The following GLDC variants were observed in gnomAD, a reference collection of about 807,000 sequenced individuals.
GLDC encodes glycine dehydrogenase (decarboxylating), mitochondrial.
In GLDC, 104 loss-of-function variants were observed where a neutral mutation model predicts 121.3. That is an observed-to-expected ratio of 0.86 (90% CI 0.73 to 1.01). GLDC has a LOEUF of 1.01. Ranked by LOEUF, GLDC falls within the 50% of genes least tolerant of loss-of-function variation. The pLI is 0.00. For synonymous variants in GLDC, 546 were observed against 480.6 expected, an observed-to-expected ratio of 1.14 and a Z score of -1.78; for missense variants, 1,429 against 1,306.6, an observed-to-expected ratio of 1.09 and a Z score of -1.44.
chr9:6,611,504 T>G (rs1053520591), intron 3 of GLDC, among the ~76,000 whole-genome samples: 1 of 149,606 alleles, frequency 6.7e-6, no homozygotes, highest in African/African-American at 2.5e-5. Flanking sequence ...TGCAGTGAGC[T>G]GAGATCACGC....
intron 2 of GLDC, among the ~76,000 whole-genome samples, chr9:6,635,979 C>T (rs1192904427): frequency 1.3e-5 from 2 of 152,112 alleles, no homozygotes; most frequent in Non-Finnish European, 2.9e-5. Flanking sequence ...GAATGTGCAA[C>T]ACCAAGACTG....
At chr9:6,597,933 C>CA (rs987910380) in intron 8 of GLDC, among the ~76,000 whole-genome samples, 64 of 131,828 alleles carry the variant, frequency 4.9e-4, no homozygotes, top group African/African-American at 1.1e-3. Flanking sequence ...GACTCGTCTC[C>CA]AAAAAAAAAA....
chr9:6,534,899 T>G (rs1283508840), intron 23 of GLDC, 111 bp from the exon 24 acceptor site: 1 of 709,688 alleles, frequency 1.4e-6, no homozygotes, highest in East Asian at 2.7e-5. Context: ...GAGAAAGCTG[T>G]TGTTTTCTTT....
intron 15 of GLDC, among the ~76,000 whole-genome samples, chr9:6,579,268 T>G (rs1818130273): frequency 6.6e-6 from 1 of 152,204 alleles, no homozygotes; most frequent in Admixed American, 6.5e-5. Flanking sequence ...GCTTTTATCT[T>G]TAATCATTTC....
intron 5 of GLDC, 127 bp from the exon 6 acceptor site, chr9:6,605,405 C>T (rs1189627975): frequency 5.9e-5 from 51 of 869,440 alleles, no homozygotes; most frequent in Non-Finnish European, 8.8e-5. Context: ...CACCCCTGCC[C>T]ACATCCCGTC....
At chr9:6,625,775 C>G (rs1819224197) in intron 2 of GLDC, among the ~76,000 whole-genome samples, 1 of 151,808 alleles carries the variant, frequency 6.6e-6, no homozygotes. Flanking sequence ...TTCATTCCCA[C>G]TGATAGGAAA....
At chr9:6,553,681 C>G (rs1289707585) in intron 19 of GLDC, among the ~76,000 whole-genome samples, 172 bp from the exon 20 acceptor site, 1 of 152,166 alleles carries the variant, frequency 6.6e-6, no homozygotes, top group Non-Finnish European at 1.5e-5. Context: ...TTCCTTCCTT[C>G]CTCCTCTGGT....
chr9:6,629,794 T>A (rs1019290827), intron 2 of GLDC, among the ~76,000 whole-genome samples: 7 of 151,450 alleles, frequency 4.6e-5, no homozygotes, highest in African/African-American at 1.7e-4. Context: ...ATACCCACAA[T>A]ATTGTTATCA....
intron 6 of GLDC, 24 bp from the exon 7 acceptor site, chr9:6,604,808 G>A (rs143441549): frequency 2.5e-6 from 4 of 1,589,714 alleles, no homozygotes; most frequent in Non-Finnish European, 2.6e-6. Context: ...GAGAGAAAAG[G>A]AACAAGGTTG....
At chr9:6,555,008 A>G in intron 18 of GLDC, 1 of 591,992 alleles carries the variant, frequency 1.7e-6, no homozygotes, top group Non-Finnish European at 3.0e-6. Context: ...GCAACTGACC[A>G]TTTAGTCCAA....
intron 8 of GLDC, among the ~76,000 whole-genome samples, chr9:6,601,076 G>C (rs1162104698): frequency 2.0e-5 from 3 of 152,200 alleles, no homozygotes; most frequent in African/African-American, 4.8e-5. Context: ...AGGAGGCTGA[G>C]GCAGGAGAAT....
Position 6,554,656 on chromosome 9 carries a change from G to A in GLDC, c.2315+13C>T, listed in dbSNP as rs772351971. ...CTCCAAAGCCATCCTGAAACCAGCA[G>A]CCCAGAACTTACACTCCGATGGGCC... is the stretch of plus-strand genomic sequence containing the variant. On this transcript the variant is annotated intron_variant, in intron 19 of 24. Coordinates refer to ENST00000321612, the MANE Select transcript of GLDC (RefSeq NM_000170.3). 1 of 1,566,974 alleles carries A rather than the reference G, an allele frequency of 6.4e-7. No homozygotes were observed.
intron 15 of GLDC, among the ~76,000 whole-genome samples, chr9:6,584,111 G>A (rs1011964223): frequency 6.6e-6 from 1 of 152,132 alleles, no homozygotes; most frequent in Non-Finnish European, 1.5e-5. Flanking sequence ...TTATGCTATG[G>A]TTATATCTGA....
intron 3 of GLDC, among the ~76,000 whole-genome samples, chr9:6,612,639 G>A (rs1021449389): frequency 3.9e-5 from 6 of 151,982 alleles, no homozygotes; most frequent in African/African-American, 9.7e-5. Flanking sequence ...CTGAGGAGGC[G>A]GATCACGAGG....
At position 6,553,373 on chromosome 9, in the gene GLDC, T is replaced by C; in HGVS notation, c.2452A>G (p.Ile818Val). The C allele has an allele frequency of 6.2e-7, 1 of 1,613,980 alleles. No individual in the cohort carries two copies. Among genetic ancestry groups the C allele is most frequent in the Non-Finnish European group, 8.5e-7 (1 of 1,179,940 alleles). Residue 818 changes from isoleucine to valine, a missense_variant, in exon 20 of 25, where the codon ATC (isoleucine) becomes GTC (valine). Coordinates refer to ENST00000321612, the MANE Select transcript of GLDC (RefSeq NM_000170.3). ...CACATACTCCCAGGCCTCACCTTGA[T>C]ATAAGCCCAGGAAATGGGCAAGATG... ...SSILPISWAYIKMMGGKGLKQ... is the reference protein window; with the variant it reads ...SSILPISWAYVKMMGGKGLKQ...
At position 6,645,534 on chromosome 9, in the gene GLDC, G is replaced by T. The variant is rs916281638; in HGVS notation, c.-35C>A. On this transcript the variant is annotated 5_prime_UTR_variant, in exon 1 of 25. Coordinates refer to ENST00000321612, the MANE Select transcript of GLDC (RefSeq NM_000170.3). ...CACCGTCCCCTGCCCCGGCCCGCAAGGGTCAGCCGCGCTCTTGGCCCCTCT... is the reference window on the plus strand; with the variant it reads ...CACCGTCCCCTGCCCCGGCCCGCAATGGTCAGCCGCGCTCTTGGCCCCTCT... 2.3e-6 allele frequency: 3 copies of T among 1,300,742 alleles called. No homozygotes were observed. In the African/African-American group the frequency reaches 4.6e-5, roughly 20 times the overall value. The allele number at this position is 1,300,742 out of a possible 1,614,324, so 80.6% of individuals were successfully genotyped here. A position where few individuals can be genotyped will look rare whatever the true frequency, so the allele number is the denominator to read the frequency against.
chr9:6,610,388 T>C (rs1818827732), intron 3 of GLDC, 32 bp from the exon 4 acceptor site: 2 of 1,610,138 alleles, frequency 1.2e-6, no homozygotes, highest in Non-Finnish European at 1.7e-6. Flanking sequence ...TTGTCCAAAC[T>C]GACTGCTGTT....
In GLDC at chr9:6,587,085, G is replaced by A. The variant is rs141538662; in HGVS notation, c.1850+56C>T. 9 of 1,416,886 alleles carry A rather than the reference G, an allele frequency of 6.4e-6. No individual in the cohort carries two copies. The African/African-American group carries it at 7.0e-5, about 11-fold the overall frequency. The allele number at this position is 1,416,886 out of a possible 1,614,324, so 87.8% of individuals were successfully genotyped here. A position where few individuals can be genotyped will look rare whatever the true frequency, so the allele number is the denominator to read the frequency against. Reference sequence around the variant, plus strand: ...GTTGTTCTAAGCCTTTAAGTTTTGTGGTGTATGCTATACAAGAATAGATTG... The same window carrying A: ...GTTGTTCTAAGCCTTTAAGTTTTGTAGTGTATGCTATACAAGAATAGATTG... On this transcript the variant is annotated intron_variant, in intron 15 of 24. Coordinates refer to ENST00000321612, the MANE Select transcript of GLDC (RefSeq NM_000170.3).
intron 4 of GLDC, among the ~76,000 whole-genome samples, chr9:6,608,291 G>A (rs10975682): frequency 0.034 from 4,759 of 141,594 alleles, 225 homozygotes; most frequent in African/African-American, 0.11. Flanking sequence ...GCGTGGTGGC[G>A]GGCACCTGTA....
Sources: allele counts gnomAD v4.1 joint callset (sites outside exome capture counted in the v4.1 genomes callset), GRCh38; gene constraint gnomAD v4.1.1; transcripts MANE v1.5; gene names NCBI Gene and HGNC (gene_info 2026-07-23, HGNC 2026-07-21).